Variants in CCDC15 observed in about 807,000 individuals in gnomAD.
CCDC15 encodes the protein coiled-coil domain containing 15.
A neutral mutation model predicts 114.5 loss-of-function variants in CCDC15; 105 were observed. That is an observed-to-expected ratio of 0.92 (90% CI 0.78 to 1.08). The LOEUF (loss-of-function observed/expected upper bound fraction) is 1.08, where lower values mean the gene tolerates loss of function less well. CCDC15 is among the 50% of genes least tolerant of loss of function. The pLI is 0.00. For missense variants in CCDC15, 1,105 were observed against 1,093.6 expected (o/e 1.01, Z -0.15); for synonymous variants, 334 against 377.8 (o/e 0.88, Z 1.34).
chr11:125,000,254 G>T (rs1948456122), intron 11 of CCDC15, among the ~76,000 whole-genome samples: 1 of 152,092 alleles, frequency 6.6e-6, no homozygotes, highest in African/African-American at 2.4e-5. Context: ...GTTGTAGCAG[G>T]CAGTCAGCCT....
At chr11:124,977,455 A>G (rs1279520041) in intron 5 of CCDC15, 23 bp from the exon 6 acceptor site, 2 of 1,559,198 alleles carry the variant, frequency 1.3e-6, no homozygotes, top group East Asian at 2.3e-5. Context: ...ACCTATTTAT[A>G]TTTGTAGTAA....
At chr11:124,959,362 C>T (rs949602925) in intron 3 of CCDC15, 98 bp downstream of exon 3, 15 of 1,009,364 alleles carry the variant, frequency 1.5e-5, no homozygotes, top group Admixed American at 3.5e-5. Context: ...CCTTTGATTA[C>T]ATGCCTAATA....
At position 125,005,130 on chromosome 11, in the gene CCDC15, CAT is replaced by C. The variant is rs763596114; in HGVS notation, c.2331_2332del (p.His777GlnfsTer8). On this transcript the variant is annotated frameshift_variant, in exon 13 of 16. Coordinates refer to ENST00000344762, the MANE Select transcript of CCDC15 (RefSeq NM_025004.3). LOFTEE classifies it high-confidence loss of function. ...TTAGCGTCAAAAGCAGTACCTGAGA[CAT>C]AGACGACTTTTCATGGATATTGAGA... Reference protein sequence around the residue: ...KKERQKQYLRHRRLFMDIERE... With the variant: ...KKERQKQYLRXRRLFMDIERE... 4 of 1,545,868 alleles carry C rather than the reference CAT, an allele frequency of 2.6e-6. No homozygotes were observed. The East Asian group carries it at 9.3e-5, about 36-fold the overall frequency.
intron 6 of CCDC15, among the ~76,000 whole-genome samples, 188 bp downstream of exon 6, chr11:124,977,788 T>G (rs1413446129): frequency 6.6e-6 from 1 of 152,154 alleles, no homozygotes; most frequent in Admixed American, 6.5e-5. Flanking sequence ...GTACTCACAG[T>G]TTGCACAGGG....
Position 125,041,005 on chromosome 11 carries a change from A to G in CCDC15, c.*294A>G, listed in dbSNP as rs75226873. Reference sequence around the variant, plus strand: ...TGCTCTGATCAGAAGAGCTCATGTGAAGTCTTTGAGATTCTCTTATTTATC... The same window carrying G: ...TGCTCTGATCAGAAGAGCTCATGTGGAGTCTTTGAGATTCTCTTATTTATC... On this transcript the variant is annotated 3_prime_UTR_variant, in exon 16 of 16. Coordinates refer to ENST00000344762, the MANE Select transcript of CCDC15 (RefSeq NM_025004.3). 393 of 237,304 alleles carry G rather than the reference A, an allele frequency of 1.7e-3. No homozygotes were observed. The highest frequency in any genetic ancestry group is 8.2e-3 in the African/African-American group (365 of 44,730). The allele number at this position is 237,304 out of a possible 1,614,324, so 14.7% of individuals were successfully genotyped here. A position where few individuals can be genotyped will look rare whatever the true frequency, so the allele number is the denominator to read the frequency against.
intron 8 of CCDC15, 115 bp downstream of exon 8, chr11:124,988,249 C>G: frequency 9.1e-7 from 1 of 1,097,132 alleles, no homozygotes; most frequent in Non-Finnish European, 1.3e-6. Flanking sequence ...CAGTTCCAGG[C>G]CATTGCAATA....
At chr11:124,971,803 G>C (rs529438767) in intron 4 of CCDC15, among the ~76,000 whole-genome samples, 55 of 152,000 alleles carry the variant, frequency 3.6e-4, no homozygotes, top group African/African-American at 1.2e-3. Context: ...TTGTCTTTTG[G>C]TGTTAATATT....
At chr11:125,017,987 G>A (rs1025936013) in intron 13 of CCDC15, among the ~76,000 whole-genome samples, 2 of 152,028 alleles carry the variant, frequency 1.3e-5, no homozygotes, top group African/African-American at 4.8e-5. Flanking sequence ...AGTTTATAAA[G>A]TTAAAAAGTT....
rs1443932840 is a variant in CCDC15, at chr11:124,987,370, C to T, written c.1144C>T (p.Gln382Ter). Residue 382 changes from glutamine (Q) to a stop codon, truncating the protein, a stop_gained, in exon 8 of 16, where the codon CAG (glutamine) becomes TAG (stop). Transcript: ENST00000344762. LOFTEE classifies it high-confidence loss of function. ...PEGQAIEPEG[Q>*]PIKTETQGIM... Reference sequence around the variant, plus strand: ...AGGCCAGGCCATTGAGCCAGAAGGCCAGCCTATTAAGACAGAAACTCAGGG... The same window carrying T: ...AGGCCAGGCCATTGAGCCAGAAGGCTAGCCTATTAAGACAGAAACTCAGGG... The T allele has an allele frequency of 1.2e-6, 2 of 1,613,676 alleles. No individual in the cohort carries two copies. Among genetic ancestry groups the T allele is most frequent in the East Asian group, 2.2e-5 (1 of 44,884 alleles).
intron 4 of CCDC15, among the ~76,000 whole-genome samples, chr11:124,973,525 T>C (rs1307617970): frequency 6.6e-6 from 1 of 152,046 alleles, no homozygotes; most frequent in Admixed American, 6.6e-5. Flanking sequence ...TATAGACCTC[T>C]GAAAACAAGC....
chr11:124,997,554 G>T (rs1325223735), intron 11 of CCDC15, among the ~76,000 whole-genome samples: 2 of 152,152 alleles, frequency 1.3e-5, no homozygotes, highest in Non-Finnish European at 2.9e-5. Context: ...CTCCCAAAGT[G>T]TTAGGATTGC....
At chr11:125,021,732 C>G (rs1948661746) in intron 13 of CCDC15, among the ~76,000 whole-genome samples, 2 of 151,830 alleles carry the variant, frequency 1.3e-5, no homozygotes, top group African/African-American at 4.8e-5. Context: ...CTGACTCCGT[C>G]TTTTCTAGTA....
chr11:124,987,530 C>T lies in CCDC15; in HGVS notation c.1304C>T (p.Pro435Leu). ...DVLLKDHCVL[P>L]KDQSILLKYQ... Reference sequence around the variant, plus strand: ...TTACTCAAAGACCACTGTGTTCTCCCTAAAGACCAGAGTATTCTACTCAAA... The same window carrying T: ...TTACTCAAAGACCACTGTGTTCTCCTTAAAGACCAGAGTATTCTACTCAAA... The change falls in exon 8 of 16, where the codon CCT becomes CTT. Residue 435 changes from proline (P) to leucine (L), a missense_variant. Coordinates refer to ENST00000344762, the MANE Select transcript of CCDC15 (RefSeq NM_025004.3). 6.2e-7 allele frequency: 1 copy of T among 1,614,038 alleles called. No homozygotes were observed. The highest frequency in any genetic ancestry group is 8.5e-7 in the Non-Finnish European group (1 of 1,179,896).
At position 124,987,539 on chromosome 11, in the gene CCDC15, A is replaced by C; in HGVS notation, c.1313A>C (p.Gln438Pro). The change falls in exon 8 of 16, where the codon CAG (glutamine) becomes CCG (proline). Residue 438 changes from glutamine (Q) to proline (P), a missense_variant. Gln to Pro is a moderately conservative substitution (Grantham distance 76, BLOSUM62 -1). Transcript: ENST00000344762. ...LKDHCVLPKD[Q>P]SILLKYQDQD... ...GACCACTGTGTTCTCCCTAAAGACCAGAGTATTCTACTCAAATATCAGGAC... is the reference window on the plus strand; with the variant it reads ...GACCACTGTGTTCTCCCTAAAGACCCGAGTATTCTACTCAAATATCAGGAC... 1 of 1,614,068 alleles carries C rather than the reference A, an allele frequency of 6.2e-7. No homozygotes were observed. Among genetic ancestry groups the C allele is most frequent in the East Asian group, 2.2e-5 (1 of 44,884 alleles).
At chr11:124,984,493 CTAA>C (rs1391951304) in intron 6 of CCDC15, among the ~76,000 whole-genome samples, 2 of 152,132 alleles carry the variant, frequency 1.3e-5, no homozygotes, top group Non-Finnish European at 2.9e-5. Flanking sequence ...TCCCCTGTGG[CTAA>C]TGTCTCCTAG....
chr11:124,987,279 A>T lies in CCDC15; in HGVS notation c.1053A>T (p.Thr351=), dbSNP rs780708257. ...GDLLETQGDL[T]GIQSVKPDTQ... The stretch of plus-strand genomic sequence containing the variant: ...TGCTGGAAACCCAGGGTGATTTGAC[A>T]GGAATCCAGAGTGTTAAGCCAGATA... The change falls in exon 8 of 16, where the codon ACA becomes ACT. Residue 351 remains threonine (T), a synonymous_variant. Transcript: ENST00000344762. The T allele has an allele frequency of 1.3e-6, 2 of 1,593,084 alleles. No individual in the cohort carries two copies. Among genetic ancestry groups the T allele is most frequent in the African/African-American group, 1.4e-5 (1 of 73,730 alleles).
intron 2 of CCDC15, 45 bp downstream of exon 2, chr11:124,954,954 C>G (rs758766174): frequency 1.3e-6 from 2 of 1,532,818 alleles, no homozygotes; most frequent in Admixed American, 3.4e-5. Context: ...CCCCACCACC[C>G]TTTTTATTAG....
chr11:124,986,717 G>A lies in CCDC15; in HGVS notation c.754-25G>A, dbSNP rs748417722. The A allele has an allele frequency of 2.9e-5, 44 of 1,527,230 alleles. No individual in the cohort carries two copies. In the Admixed American group the frequency reaches 3.0e-4, roughly 10 times the overall value. The allele number at this position is 1,527,230 out of a possible 1,614,324, so 94.6% of individuals were successfully genotyped here. A position where few individuals can be genotyped will look rare whatever the true frequency, so the allele number is the denominator to read the frequency against. ...TGTGTGTGTGCGCGCGCGCGCGTGC[G>A]CGTTTTCATTGTTTTTTTCTTTAGG... is the stretch of plus-strand genomic sequence containing the variant. On this transcript the variant is annotated intron_variant, in intron 6 of 15. Transcript: ENST00000344762.
chr11:125,008,992 G>GCAGATCA (rs1171148621), intron 13 of CCDC15, among the ~76,000 whole-genome samples: 1 of 152,116 alleles, frequency 6.6e-6, no homozygotes, highest in African/African-American at 2.4e-5. Flanking sequence ...GCTGAGGCGG[G>GCAGATCA]CAGATCACCT....
Sources: allele counts gnomAD v4.1 joint callset (sites outside exome capture counted in the v4.1 genomes callset), GRCh38; gene constraint gnomAD v4.1.1; transcripts MANE v1.5; gene names NCBI Gene and HGNC (gene_info 2026-07-23, HGNC 2026-07-21).